Variants in CADM2 observed in about 807,000 individuals in gnomAD.
CADM2 encodes the protein cell adhesion molecule 2, also known as immunoglobulin superfamily member 4D.
A neutral mutation model predicts 49.8 loss-of-function variants in CADM2; 12 were observed. The ratio of observed to expected loss-of-function variants is 0.24; its 90% CI spans 0.15 to 0.39. The LOEUF is 0.39. Ranked by LOEUF, CADM2 falls within the 10% of genes least tolerant of loss-of-function variation. CADM2 has a pLI of 1.00. For missense variants in CADM2, 378 were observed against 492.3 expected (o/e 0.77, Z 2.20); for synonymous variants, 214 against 175.4 (o/e 1.22, Z -1.74).
At chr3:85,070,072 AT>A (rs887968803) in intron 1 of CADM2, among the ~76,000 whole-genome samples, 9 of 151,802 alleles carry the variant, frequency 5.9e-5, no homozygotes, top group South Asian at 2.1e-4. Context: ...AATAAGCAAA[AT>A]TTTTTTTCTG....
intron 1 of CADM2, among the ~76,000 whole-genome samples, chr3:85,633,078 A>G (rs1270667443): frequency 6.6e-6 from 1 of 152,062 alleles, no homozygotes; most frequent in African/African-American, 2.4e-5. Flanking sequence ...TCTATTGACA[A>G]CAACTATGGA....
intron 1 of CADM2, among the ~76,000 whole-genome samples, chr3:85,249,414 G>C (rs1273723239): frequency 6.6e-6 from 1 of 151,674 alleles, no homozygotes; most frequent in Admixed American, 6.6e-5. Flanking sequence ...TTGAAATGAT[G>C]TTTTTACAAA....
chr3:85,840,613 A>G (rs1209569754), intron 3 of CADM2, among the ~76,000 whole-genome samples: 1 of 151,928 alleles, frequency 6.6e-6, no homozygotes, highest in Non-Finnish European at 1.5e-5. Flanking sequence ...TATATGACAC[A>G]GAATACCTGT....
intron 1 of CADM2, among the ~76,000 whole-genome samples, chr3:85,153,437 G>A (rs1025330335): frequency 6.6e-6 from 1 of 152,196 alleles, no homozygotes; most frequent in Non-Finnish European, 1.5e-5. Context: ...AGGGTCCCAT[G>A]CCAACGGAGT....
At chr3:85,163,647 A>C (rs1402027234) in intron 1 of CADM2, among the ~76,000 whole-genome samples, 1 of 152,094 alleles carries the variant, frequency 6.6e-6, no homozygotes, top group Non-Finnish European at 1.5e-5. Context: ...GCTTGTGTTA[A>C]AACATAAAGA....
chr3:86,001,506 A>G (rs1388832238), intron 8 of CADM2, among the ~76,000 whole-genome samples: 2 of 152,138 alleles, frequency 1.3e-5, no homozygotes, highest in East Asian at 1.9e-4. Context: ...GATTGAGAAG[A>G]TATAGGATTA....
intron 1 of CADM2, among the ~76,000 whole-genome samples, chr3:85,035,594 T>C (rs987175317): frequency 6.6e-6 from 1 of 152,182 alleles, no homozygotes; most frequent in Non-Finnish European, 1.5e-5. Flanking sequence ...CGTTTGATTT[T>C]TGTATATGGG....
rs1214339156 is a variant in CADM2 at position 85,548,754 on chromosome 3, T to G, written c.62-177768T>G. Among the ~76,000 whole-genome samples, 6 of 152,298 alleles carry G rather than the reference T, an allele frequency of 3.9e-5. No homozygotes were observed. The East Asian group carries it at 9.6e-4, about 24-fold the overall frequency. On this transcript the variant is annotated intron_variant, in intron 1 of 9. Coordinates refer to ENST00000383699, the MANE Select transcript of CADM2 (RefSeq NM_001167675.2). ...TGTATCTTGAAATGTCTGTAGAGCT[T>G]TACTTCCTTGCTTCTAAATTGCCTT...
chr3:85,568,752 G>A (rs1000495581), intron 1 of CADM2, among the ~76,000 whole-genome samples: 1 of 142,974 alleles, frequency 7.0e-6, no homozygotes, highest in African/African-American at 2.5e-5. Context: ...ACAGGCGTGA[G>A]CCACCACACC....
chr3:86,046,173 A>G (rs1191906953), intron 8 of CADM2, among the ~76,000 whole-genome samples: 2 of 152,140 alleles, frequency 1.3e-5, no homozygotes, highest in Admixed American at 1.3e-4. Flanking sequence ...TATTTTATAT[A>G]CCTAGTTAAC....
intron 1 of CADM2, among the ~76,000 whole-genome samples, chr3:85,582,737 C>T (rs1214325751): frequency 6.6e-6 from 1 of 152,108 alleles, no homozygotes; most frequent in Non-Finnish European, 1.5e-5. Flanking sequence ...AACATTTGAA[C>T]TCTTGGCAGA....
chr3:85,826,267 C>T (rs1005631797), intron 3 of CADM2, among the ~76,000 whole-genome samples: 10 of 151,990 alleles, frequency 6.6e-5, no homozygotes, highest in Admixed American at 4.6e-4. Flanking sequence ...CAATTACTGG[C>T]ATCTGTTACT....
intron 7 of CADM2, among the ~76,000 whole-genome samples, chr3:85,954,421 C>G (rs1723798890): frequency 6.6e-6 from 1 of 151,024 alleles, no homozygotes; most frequent in South Asian, 2.1e-4. Flanking sequence ...TCAACTACAT[C>G]CTTAACTTCT....
chr3:84,995,668 GTACTTGCCTACAAAAGAGAT>G (rs2033144202), intron 1 of CADM2, among the ~76,000 whole-genome samples: 3 of 152,206 alleles, frequency 2.0e-5, no homozygotes, highest in South Asian at 4.2e-4. Context: ...AGATTACTAA[GTACTTGCCTACAAAAGAGAT>G]TACTTGCCTA....
At chr3:85,449,494 G>A in intron 1 of CADM2, among the ~76,000 whole-genome samples, 1 of 151,872 alleles carries the variant, frequency 6.6e-6, no homozygotes, top group East Asian at 1.9e-4. Flanking sequence ...CAGAATGGAA[G>A]CATGACCTCA....
intron 1 of CADM2, among the ~76,000 whole-genome samples, chr3:85,103,799 A>G (rs1335358468): frequency 1.3e-5 from 2 of 152,156 alleles, no homozygotes; most frequent in African/African-American, 4.8e-5. Context: ...CTTGAATTAG[A>G]TTGGTGGAAA....
chr3:85,193,258 A>G (rs914924238), intron 1 of CADM2, among the ~76,000 whole-genome samples: 1 of 152,064 alleles, frequency 6.6e-6, no homozygotes, highest in Admixed American at 6.6e-5. Context: ...GATATCAAGG[A>G]TATGATAGAT....
intron 1 of CADM2, among the ~76,000 whole-genome samples, chr3:85,494,208 T>C (rs1028443062): frequency 2.0e-5 from 3 of 152,220 alleles, no homozygotes; most frequent in Non-Finnish European, 4.4e-5. Context: ...TGCTTTCTTT[T>C]ACGTTTAAGT....
chr3:85,636,550 G>A (rs1390609544), intron 1 of CADM2, among the ~76,000 whole-genome samples: 2 of 151,926 alleles, frequency 1.3e-5, no homozygotes, highest in Non-Finnish European at 2.9e-5. Context: ...AATTAGTGTA[G>A]CCTCAATGTA....
Sources: gnomAD v4.1 joint callset for allele counts (sites outside exome capture counted in the v4.1 genomes callset) on GRCh38, gnomAD v4.1.1 for gene constraint, MANE v1.5 for transcripts, NCBI Gene and HGNC (gene_info 2026-07-23, HGNC 2026-07-21) for gene names.